The following NMNAT2 variants were observed in gnomAD, a reference collection of about 807,000 sequenced individuals.
The protein encoded by NMNAT2 is nicotinamide/nicotinic acid mononucleotide adenylyltransferase 2.
A neutral mutation model predicts 41.6 loss-of-function variants in NMNAT2; 11 were observed. The observed-to-expected ratio is 0.26, with a 90% CI of 0.17 to 0.44. NMNAT2 has a LOEUF of 0.44. Among genes scored for constraint, NMNAT2 ranks in the 20% least tolerant of loss-of-function variants. The pLI is 1.00. For missense variants in NMNAT2, 288 were observed against 407.7 expected (o/e 0.71, Z 2.53); for synonymous variants, 148 against 151.2 (o/e 0.98, Z 0.16).
chr1:183,295,257 C>T (rs1661658594), intron 1 of NMNAT2, among the ~76,000 whole-genome samples: 1 of 152,122 alleles, frequency 6.6e-6, no homozygotes, highest in Admixed American at 6.5e-5. Context: ...CTGCCTTGGC[C>T]TCCCAAAATG....
At chr1:183,304,696 A>G (rs1249040610) in intron 1 of NMNAT2, 1 of 1,614,096 alleles carries the variant, frequency 6.2e-7, no homozygotes, top group Non-Finnish European at 8.5e-7. Context: ...CACTTCCCAG[A>G]GCCCCTGGCA....
Position 183,341,725 on chromosome 1 carries a change from C to CAAAAAAAAAAA in NMNAT2, c.86-47943_86-47933dup, listed in dbSNP as rs762935303. On this transcript the variant is annotated intron_variant, in intron 1 of 10. Transcript: ENST00000287713. ...GAGGAAAAGACAAACAAACAAACAC[C>CAAAAAAAAAAA]AAAAAAAAAAAAAAAAAAAAAACCT... Among the ~76,000 whole-genome samples the CAAAAAAAAAAA allele has an allele frequency of 7.4e-3, 163 of 22,152 alleles. 11 individuals carry two copies. The highest frequency in any genetic ancestry group is 8.6e-3 in the Non-Finnish European group (106 of 12,384). 14.5% of individuals were successfully genotyped at this position (22,152 alleles called of 152,430 possible). A position where few individuals can be genotyped will look rare whatever the true frequency, so the allele number is the denominator to read the frequency against.
At chr1:183,375,111 C>G (rs1003658848) in intron 1 of NMNAT2, among the ~76,000 whole-genome samples, 1 of 152,210 alleles carries the variant, frequency 6.6e-6, no homozygotes, top group Non-Finnish European at 1.5e-5. Context: ...CTTCCTAACT[C>G]ATGCCCCTAC....
At chr1:183,342,455 G>A (rs1220879092) in intron 1 of NMNAT2, among the ~76,000 whole-genome samples, 1 of 152,166 alleles carries the variant, frequency 6.6e-6, no homozygotes, top group African/African-American at 2.4e-5. Flanking sequence ...TCTTTTATGT[G>A]TTAACTCCAC....
chr1:183,368,412 C>G (rs879564690), intron 1 of NMNAT2, among the ~76,000 whole-genome samples: 2 of 152,116 alleles, frequency 1.3e-5, no homozygotes, highest in African/African-American at 2.4e-5. Flanking sequence ...TGCCCCTGGG[C>G]TGCGCTGTCT....
chr1:183,294,213 T>C lies in NMNAT2; in HGVS notation c.86-420A>G, dbSNP rs184320856. Among the ~76,000 whole-genome samples, 450 of 152,304 alleles carry C rather than the reference T, an allele frequency of 3.0e-3. 1 individual carries two copies. The highest frequency in any genetic ancestry group is 5.2e-3 in the Non-Finnish European group (356 of 68,024). ...CCTTATAATATGAAAGATGTGCTGA[T>C]TGCCTCATCTAATTATTCAGAAGAG... On this transcript the variant is annotated intron_variant, in intron 1 of 10. Transcript: ENST00000287713.
intron 7 of NMNAT2, among the ~76,000 whole-genome samples, chr1:183,280,145 G>T (rs1661221026): frequency 6.6e-6 from 1 of 152,164 alleles, no homozygotes; most frequent in African/African-American, 2.4e-5. Context: ...ACTGTGGAGA[G>T]GAACCACACT....
chr1:183,281,920 G>A (rs1370722642), intron 7 of NMNAT2, among the ~76,000 whole-genome samples: 1 of 152,232 alleles, frequency 6.6e-6, no homozygotes, highest in Non-Finnish European at 1.5e-5. Context: ...CAGCTCCTCT[G>A]GGCTAGCCTC....
intron 1 of NMNAT2, among the ~76,000 whole-genome samples, chr1:183,406,440 G>A (rs1399866473): frequency 6.6e-6 from 1 of 152,162 alleles, no homozygotes; most frequent in Non-Finnish European, 1.5e-5. Context: ...GAAGCCCACT[G>A]TCAGCTCGAT....
intron 1 of NMNAT2, among the ~76,000 whole-genome samples, chr1:183,385,067 AT>A (rs1648175418): frequency 6.6e-6 from 1 of 151,952 alleles, no homozygotes; most frequent in South Asian, 2.1e-4. Flanking sequence ...AAAATTAAAA[AT>A]TAAAAAAAAA....
chr1:183,271,429 A>G (rs899263298), intron 8 of NMNAT2, among the ~76,000 whole-genome samples: 1 of 152,152 alleles, frequency 6.6e-6, no homozygotes, highest in African/African-American at 2.4e-5. Context: ...GCCCAGCTCA[A>G]GGGCCACCCC....
chr1:183,371,129 A>C (rs939322450), intron 1 of NMNAT2, among the ~76,000 whole-genome samples: 88 of 152,336 alleles, frequency 5.8e-4, no homozygotes, highest in African/African-American at 2.0e-3. Flanking sequence ...ATTTTGATTG[A>C]TACTTCCAGC....
chr1:183,415,750 A>G (rs78669002), intron 1 of NMNAT2, among the ~76,000 whole-genome samples: 3,347 of 152,352 alleles, frequency 0.022, 61 homozygotes, highest in Non-Finnish European at 0.035. Context: ...CTGCTCTACA[A>G]AAATAAATTA....
chr1:183,375,942 T>C (rs1342605937), intron 1 of NMNAT2, among the ~76,000 whole-genome samples: 2 of 152,204 alleles, frequency 1.3e-5, no homozygotes, highest in African/African-American at 4.8e-5. Context: ...AACTCTTGTC[T>C]TGAGTATCTT....
intron 1 of NMNAT2, among the ~76,000 whole-genome samples, chr1:183,376,208 T>A (rs1197709555): frequency 6.6e-6 from 1 of 152,182 alleles, no homozygotes; most frequent in African/African-American, 2.4e-5. Flanking sequence ...GTATTAATAA[T>A]TAATATTCAT....
chr1:183,259,974 C>T (rs975286502), intron 10 of NMNAT2, among the ~76,000 whole-genome samples: 3 of 152,144 alleles, frequency 2.0e-5, no homozygotes, highest in East Asian at 1.9e-4. Flanking sequence ...CTCTATATTC[C>T]GTGTATTTCA....
At chr1:183,278,501 T>C (rs1402118487) in intron 8 of NMNAT2, 52 bp downstream of exon 8, 1 of 1,297,050 alleles carries the variant, frequency 7.7e-7, no homozygotes, top group Non-Finnish European at 1.1e-6. Flanking sequence ...AATGCACACT[T>C]CCCATCCCTC....
chr1:183,413,896 C>T (rs1252565678), intron 1 of NMNAT2, among the ~76,000 whole-genome samples: 2 of 152,064 alleles, frequency 1.3e-5, no homozygotes, highest in Non-Finnish European at 2.9e-5. Context: ...CATGAGCCAC[C>T]GCGCCCGGCC....
chr1:183,258,891 G>A (rs1660588408), intron 10 of NMNAT2, among the ~76,000 whole-genome samples: 1 of 152,162 alleles, frequency 6.6e-6, no homozygotes, highest in African/African-American at 2.4e-5. Flanking sequence ...CCCAACCCAT[G>A]AAGTTTTCCT....
Sources: gnomAD v4.1 joint callset for allele counts (sites outside exome capture counted in the v4.1 genomes callset) on GRCh38, gnomAD v4.1.1 for gene constraint, MANE v1.5 for transcripts, NCBI Gene and HGNC (gene_info 2026-07-23, HGNC 2026-07-21) for gene names.